Variants in DNAJC1 observed in about 807,000 individuals in gnomAD.
DNAJC1 encodes dnaJ homolog subfamily C member 1.
DNAJC1 carries 58 observed loss-of-function variants against 76.6 expected under a neutral mutation model. That is an observed-to-expected ratio of 0.76 (90% CI 0.61 to 0.94). The LOEUF is 0.94. Among genes scored for constraint, DNAJC1 ranks in the 40% least tolerant of loss-of-function variants. The pLI is 0.00. For synonymous variants in DNAJC1, 258 were observed against 267.9 expected, an observed-to-expected ratio of 0.96 and a Z score of 0.36; for missense variants, 689 against 677.3, an observed-to-expected ratio of 1.02 and a Z score of -0.19.
At chr10:21,993,811 G>A (rs1838367128) in intron 1 of DNAJC1, among the ~76,000 whole-genome samples, 2 of 151,976 alleles carry the variant, frequency 1.3e-5, no homozygotes, top group African/African-American at 4.8e-5. Context: ...ATTAAAAGCA[G>A]GCAGATAATT....
chr10:21,997,833 A>C (rs1171782684), intron 1 of DNAJC1, among the ~76,000 whole-genome samples: 1 of 152,196 alleles, frequency 6.6e-6, no homozygotes, highest in Admixed American at 6.5e-5. Context: ...ATTCATTTGA[A>C]TATAAGGATT....
chr10:21,880,557 T>C (rs1275895410), intron 8 of DNAJC1, among the ~76,000 whole-genome samples: 2 of 152,114 alleles, frequency 1.3e-5, no homozygotes, highest in East Asian at 1.9e-4. Context: ...CTTTCATATC[T>C]CCCTCAGAGC....
chr10:21,803,858 T>C, intron 9 of DNAJC1: 4 of 962,994 alleles, frequency 4.2e-6, no homozygotes, highest in Non-Finnish European at 4.9e-6. Flanking sequence ...GAACTAATAC[T>C]TGGCCAAAAA....
chr10:21,988,535 G>C (rs1361940740), intron 1 of DNAJC1, among the ~76,000 whole-genome samples: 1 of 151,966 alleles, frequency 6.6e-6, no homozygotes, highest in Non-Finnish European at 1.5e-5. Context: ...TTCCAAATGT[G>C]TACTCTATAA....
chr10:21,842,202 C>T (rs766637300), intron 8 of DNAJC1, among the ~76,000 whole-genome samples: 12 of 150,014 alleles, frequency 8.0e-5, no homozygotes, highest in African/African-American at 2.0e-4. Flanking sequence ...ACATATGTAA[C>T]GAAACTGCAT....
intron 8 of DNAJC1, among the ~76,000 whole-genome samples, chr10:21,816,313 T>G (rs1835074013): frequency 6.6e-6 from 1 of 151,818 alleles, no homozygotes; most frequent in African/African-American, 2.4e-5. Flanking sequence ...TGAGCCAAGA[T>G]CGTGCCACTG....
In DNAJC1 at chr10:21,837,616, G is replaced by A. The variant is rs564300253; in HGVS notation, c.979-31517C>T. On this transcript the variant is annotated intron_variant, in intron 8 of 11. Coordinates refer to ENST00000376980, the MANE Select transcript of DNAJC1 (RefSeq NM_022365.4). ...TGCCCGGCCGCCCCATCTGAGAAGT[G>A]AGGAGCCCCTCCGCCCGGCAGCCAC... Among the ~76,000 whole-genome samples, 4 of 151,626 alleles carry A rather than the reference G, an allele frequency of 2.6e-5. No individual in the cohort carries two copies. In the South Asian group the frequency reaches 8.4e-4, roughly 32 times the overall value.
At chr10:21,913,776 A>T (rs1019763537) in intron 6 of DNAJC1, among the ~76,000 whole-genome samples, 1 of 152,190 alleles carries the variant, frequency 6.6e-6, no homozygotes, top group Non-Finnish European at 1.5e-5. Context: ...TAAGATGTCA[A>T]AGTGTCACGG....
At position 21,904,506 on chromosome 10, in the gene DNAJC1, A is replaced by C. The variant is rs1487032522; in HGVS notation, c.820+16T>G. 6.9e-7 allele frequency: 1 copy of C among 1,457,666 alleles called. No individual in the cohort carries two copies. The highest frequency in any genetic ancestry group is 9.3e-7 in the Non-Finnish European group (1 of 1,071,718). 90.3% of individuals were successfully genotyped at this position (1,457,666 alleles called of 1,614,324 possible). ...TTTTATATGACATTGTTAAAACACT[A>C]ATGTTTAAAACTCACTTTGAAGTGT... is the stretch of plus-strand genomic sequence containing the variant. On this transcript the variant is annotated intron_variant, in intron 7 of 11. Coordinates refer to ENST00000376980, the MANE Select transcript of DNAJC1 (RefSeq NM_022365.4).
At chr10:21,966,396 T>A (rs1045727956) in intron 1 of DNAJC1, among the ~76,000 whole-genome samples, 3 of 151,688 alleles carry the variant, frequency 2.0e-5, no homozygotes, top group African/African-American at 7.3e-5. Context: ...ATAATTCTTG[T>A]CTGTAACAGT....
intron 1 of DNAJC1, among the ~76,000 whole-genome samples, chr10:21,941,095 CA>C (rs1208799870): frequency 0.063 from 2,465 of 39,174 alleles, 20 homozygotes; most frequent in African/African-American, 0.095. Context: ...ACTAAAAATA[CA>C]AAAAAAAAAA....
intron 7 of DNAJC1, among the ~76,000 whole-genome samples, chr10:21,890,571 G>A (rs1008005934): frequency 2.0e-5 from 3 of 152,030 alleles, no homozygotes; most frequent in African/African-American, 4.8e-5. Flanking sequence ...TCCAGGCAGC[G>A]GTTTTCAGTG....
At chr10:21,969,465 C>T (rs1837943208) in intron 1 of DNAJC1, among the ~76,000 whole-genome samples, 1 of 152,128 alleles carries the variant, frequency 6.6e-6, no homozygotes, top group East Asian at 1.9e-4. Context: ...AGAAAGACTG[C>T]ATGTAGAAAA....
intron 7 of DNAJC1, among the ~76,000 whole-genome samples, chr10:21,903,284 G>C (rs1027218330): frequency 6.6e-6 from 1 of 152,118 alleles, no homozygotes; most frequent in African/African-American, 2.4e-5. Context: ...AAAAGGCTTA[G>C]AAATTGTAAT....
At chr10:21,975,611 C>T (rs1269128689) in intron 1 of DNAJC1, among the ~76,000 whole-genome samples, 1 of 152,162 alleles carries the variant, frequency 6.6e-6, no homozygotes, top group Non-Finnish European at 1.5e-5. Context: ...GCCAATTAAC[C>T]CTTTCACCTT....
chr10:21,848,745 G>C (rs752792637), intron 8 of DNAJC1, among the ~76,000 whole-genome samples: 1 of 152,198 alleles, frequency 6.6e-6, no homozygotes, highest in Non-Finnish European at 1.5e-5. Context: ...CACAAAACAA[G>C]TGTCAATAAA....
At chr10:21,766,807 T>C (rs904286703) in intron 9 of DNAJC1, among the ~76,000 whole-genome samples, 1 of 151,658 alleles carries the variant, frequency 6.6e-6, no homozygotes, top group Non-Finnish European at 1.5e-5. Context: ...CCCGTTTCTA[T>C]GAAAATACAA....
chr10:21,813,033 A>G (rs1834995385), intron 8 of DNAJC1, among the ~76,000 whole-genome samples: 1 of 142,848 alleles, frequency 7.0e-6, no homozygotes, highest in South Asian at 2.2e-4. Context: ...ACATACACAC[A>G]CACACACACA....
chr10:21,757,010 G>A (rs942533591), intron 11 of DNAJC1, among the ~76,000 whole-genome samples: 1 of 152,228 alleles, frequency 6.6e-6, no homozygotes, highest in Non-Finnish European at 1.5e-5. Flanking sequence ...CGTTTGTGAG[G>A]CGTACTAGCA....
Sources: allele counts gnomAD v4.1 joint callset (sites outside exome capture counted in the v4.1 genomes callset), GRCh38; gene constraint gnomAD v4.1.1; transcripts MANE v1.5; gene names NCBI Gene and HGNC (gene_info 2026-07-23, HGNC 2026-07-21).